ASIC2: variants seen among roughly 807,000 people sequenced by gnomAD.
ASIC2 encodes the protein acid sensing ion channel subunit 2.
A neutral mutation model predicts 57.3 loss-of-function variants in ASIC2; 25 were observed. The observed-to-expected ratio is 0.44, with a 90% CI of 0.32 to 0.61. The LOEUF (loss-of-function observed/expected upper bound fraction) is 0.61. ASIC2 is among the 20% of genes least tolerant of loss of function. The pLI, the probability that ASIC2 is intolerant of heterozygous loss-of-function variation, is 0.06. For missense variants in ASIC2, 641 were observed against 738.1 expected, an observed-to-expected ratio of 0.87 and a Z score of 1.52; for synonymous variants, 319 against 307.5, an observed-to-expected ratio of 1.04 and a Z score of -0.39.
chr17:34,084,242 G>C (rs1250364169), intron 1 of ASIC2, among the ~76,000 whole-genome samples: 2 of 151,552 alleles, frequency 1.3e-5, no homozygotes, highest in Non-Finnish European at 2.9e-5. Flanking sequence ...TCTACATGTG[G>C]CTAGCCAGTT....
chr17:33,880,544 A>G (rs1057493593), intron 1 of ASIC2, among the ~76,000 whole-genome samples: 2 of 152,202 alleles, frequency 1.3e-5, no homozygotes, highest in Non-Finnish European at 2.9e-5. Context: ...ACACCCTCCC[A>G]AGACTAAACC....
chr17:33,738,980 C>T (rs1018537494), intron 1 of ASIC2, among the ~76,000 whole-genome samples: 1 of 152,164 alleles, frequency 6.6e-6, no homozygotes, highest in African/African-American at 2.4e-5. Flanking sequence ...TATTTAACCA[C>T]GATGATTCTT....
chr17:33,279,072 T>C (rs1030822253), intron 1 of ASIC2, among the ~76,000 whole-genome samples: 1 of 152,220 alleles, frequency 6.6e-6, no homozygotes, highest in African/African-American at 2.4e-5. Context: ...GAGATAACCA[T>C]AGAAGAGATG....
At chr17:33,166,669 T>C (rs1241775750) in intron 1 of ASIC2, among the ~76,000 whole-genome samples, 1 of 152,170 alleles carries the variant, frequency 6.6e-6, no homozygotes, top group Non-Finnish European at 1.5e-5. Flanking sequence ...TTGCAGTGAC[T>C]GGAAGGAGGT....
chr17:33,396,391 A>G (rs899126263), intron 1 of ASIC2, among the ~76,000 whole-genome samples: 1 of 152,242 alleles, frequency 6.6e-6, no homozygotes, highest in Non-Finnish European at 1.5e-5. Flanking sequence ...TGTACTAGGC[A>G]TACATAGGCC....
At chr17:33,861,483 CTG>C (rs1221656090) in intron 1 of ASIC2, among the ~76,000 whole-genome samples, 1 of 152,190 alleles carries the variant, frequency 6.6e-6, no homozygotes, top group Non-Finnish European at 1.5e-5. Context: ...CATGAGAAGA[CTG>C]AGGCTTGCTG....
intron 1 of ASIC2, among the ~76,000 whole-genome samples, chr17:34,105,996 C>A (rs1385155256): frequency 6.6e-6 from 1 of 151,888 alleles, no homozygotes; most frequent in East Asian, 1.9e-4. Flanking sequence ...TCTTTTTCTC[C>A]TGTAGCACAG....
intron 1 of ASIC2, among the ~76,000 whole-genome samples, chr17:33,253,429 T>G (rs1908953556): frequency 6.6e-6 from 1 of 152,214 alleles, no homozygotes; most frequent in Non-Finnish European, 1.5e-5. Flanking sequence ...AGACCAGAGC[T>G]GAAAATGAAA....
chr17:33,382,392 C>T (rs1291684029), intron 1 of ASIC2, among the ~76,000 whole-genome samples: 1 of 152,092 alleles, frequency 6.6e-6, no homozygotes, highest in African/African-American at 2.4e-5. Flanking sequence ...GGTGGGAGGC[C>T]TCTCTATCAG....
intron 1 of ASIC2, among the ~76,000 whole-genome samples, chr17:33,319,402 T>C (rs573858522): frequency 7.7e-4 from 118 of 152,306 alleles, no homozygotes; most frequent in African/African-American, 2.7e-3. Context: ...GACCAGCTGA[T>C]GACAACCACA....
chr17:33,963,564 T>C (rs1904989985), intron 1 of ASIC2, among the ~76,000 whole-genome samples: 1 of 152,186 alleles, frequency 6.6e-6, no homozygotes, highest in African/African-American at 2.4e-5. Flanking sequence ...GGCTGGCTCC[T>C]GCCACTGTAC....
At chr17:33,336,707 G>C (rs1248712176) in intron 1 of ASIC2, among the ~76,000 whole-genome samples, 1 of 152,142 alleles carries the variant, frequency 6.6e-6, no homozygotes, top group Non-Finnish European at 1.5e-5. Flanking sequence ...CCAAGGCTCT[G>C]TCAGAAAGTT....
chr17:33,209,886 AC>A (rs1205258326), intron 1 of ASIC2, among the ~76,000 whole-genome samples: 1 of 152,212 alleles, frequency 6.6e-6, no homozygotes, highest in African/African-American at 2.4e-5. Flanking sequence ...CTGACCAGTC[AC>A]AGCTCTGGTG....
At chr17:33,149,246 G>A (rs1307483462) in intron 1 of ASIC2, among the ~76,000 whole-genome samples, 2 of 152,086 alleles carry the variant, frequency 1.3e-5, no homozygotes, top group Admixed American at 1.3e-4. Flanking sequence ...CCAACACATA[G>A]CAATAATCAT....
chr17:33,911,182 A>G (rs548065804), intron 1 of ASIC2, among the ~76,000 whole-genome samples: 1 of 152,336 alleles, frequency 6.6e-6, no homozygotes, highest in Non-Finnish European at 1.5e-5. Context: ...TTTTTTCTTT[A>G]TCATCCACAG....
At chr17:33,750,101 C>G (rs941075768) in intron 1 of ASIC2, among the ~76,000 whole-genome samples, 3 of 152,196 alleles carry the variant, frequency 2.0e-5, no homozygotes, top group African/African-American at 7.2e-5. Context: ...GTGCCAGCCA[C>G]TCCGCTAGGT....
chr17:34,098,677 G>A lies in ASIC2; in HGVS notation c.555+57301C>T, dbSNP rs186486622. The stretch of plus-strand genomic sequence containing the variant: ...TCAAAGAAAACATAGGAGGCTTTCC[G>A]TAACTGTGTGTAGATAGAAAGAATT... On this transcript the variant is annotated intron_variant, in intron 1 of 9. Coordinates refer to the ASIC2 transcript ENST00000359872. Among the ~76,000 whole-genome samples, 62 of 152,282 alleles carry A rather than the reference G, an allele frequency of 4.1e-4. No homozygotes were observed. In the East Asian group the frequency reaches 0.011, roughly 27 times the overall value.
intron 1 of ASIC2, among the ~76,000 whole-genome samples, chr17:33,703,098 G>A (rs1908754315): frequency 6.6e-6 from 1 of 152,114 alleles, no homozygotes; most frequent in African/African-American, 2.4e-5. Context: ...AAAAAATCTG[G>A]AGAAAAATAT....
intron 1 of ASIC2, among the ~76,000 whole-genome samples, chr17:33,583,263 ATC>A (rs1431455711): frequency 1.3e-5 from 2 of 152,230 alleles, no homozygotes; most frequent in Admixed American, 6.5e-5. Context: ...GGGACAGATG[ATC>A]TGCATTACAA....
Sources: gnomAD v4.1 joint callset for allele counts (sites outside exome capture counted in the v4.1 genomes callset) on GRCh38, gnomAD v4.1.1 for gene constraint, MANE v1.5 for transcripts, NCBI Gene and HGNC (gene_info 2026-07-23, HGNC 2026-07-21) for gene names.